TMPRSS15: variants seen among roughly 807,000 people sequenced by gnomAD.
The protein encoded by TMPRSS15 is transmembrane serine protease 15.
A neutral mutation model predicts 125.3 loss-of-function variants in TMPRSS15; 128 were observed. The ratio of observed to expected loss-of-function variants is 1.02; its 90% CI spans 0.89 to 1.18. The LOEUF (loss-of-function observed/expected upper bound fraction) is 1.18, where lower values mean the gene tolerates loss of function less well. TMPRSS15 is among the 50% of genes most tolerant of loss of function. The pLI, the probability that TMPRSS15 is intolerant of heterozygous loss-of-function variation, is 0.00. For synonymous variants in TMPRSS15, 446 were observed against 423.2 expected (o/e 1.05, Z -0.66); for missense variants, 1,283 against 1,212.7 (o/e 1.06, Z -0.86).
chr21:18,395,503 C>T (rs1015081439), intron 3 of TMPRSS15, among the ~76,000 whole-genome samples: 2 of 152,172 alleles, frequency 1.3e-5, no homozygotes, highest in African/African-American at 4.8e-5. Flanking sequence ...AATTGACAAG[C>T]TTGTGGTGAT....
upstream of TMPRSS15, among the ~76,000 whole-genome samples, chr21:18,406,049 T>C (rs919940230): frequency 2.6e-5 from 4 of 152,168 alleles, no homozygotes; most frequent in Admixed American, 1.3e-4. Flanking sequence ...GCAAAAATTT[T>C]GGTATGAGGT....
rs767258888 is a variant in TMPRSS15, at chr21:18,281,097, G to A, written c.2611C>T (p.Arg871Ter). ...EIVINPHYNR[R>*]RKDNDIAMMH... ...ATGGCAATGTCGTTGTCCTTTCTTCGCCTATTGTAATGAGGGTTTATGACA... is the reference window on the plus strand; with the variant it reads ...ATGGCAATGTCGTTGTCCTTTCTTCACCTATTGTAATGAGGGTTTATGACA... The change falls in exon 22 of 25, where the codon CGA (arginine) becomes TGA (stop). Residue 871 changes from arginine to a stop codon, truncating the protein, a stop_gained. Transcript: ENST00000284885. LOFTEE classifies it high-confidence loss of function. The A allele has an allele frequency of 2.1e-5, 34 of 1,613,248 alleles. No individual in the cohort carries two copies. Among genetic ancestry groups the A allele is most frequent in the Non-Finnish European group, 2.6e-5 (31 of 1,179,892 alleles).
At chr21:18,314,961 C>T (rs541487674) in intron 17 of TMPRSS15, among the ~76,000 whole-genome samples, 185 bp downstream of exon 17, 32 of 151,954 alleles carry the variant, frequency 2.1e-4, no homozygotes, top group Non-Finnish European at 4.4e-4. Context: ...CTGAGGCCTG[C>T]GTATTAACTT....
At chr21:18,280,991 G>A in intron 22 of TMPRSS15, 49 bp downstream of exon 22, 1 of 1,566,872 alleles carries the variant, frequency 6.4e-7, no homozygotes, top group South Asian at 1.1e-5. Context: ...ATCTAGTTTT[G>A]AATTAATTTT....
chr21:18,295,572 G>A (rs1330121140), intron 19 of TMPRSS15, among the ~76,000 whole-genome samples: 4 of 152,156 alleles, frequency 2.6e-5, no homozygotes, highest in East Asian at 1.9e-4. Flanking sequence ...AGATCCACAC[G>A]TCTAATCAAA....
rs1461910412 is a variant in TMPRSS15, at chr21:18,398,279, A to G, written c.196T>C (p.Ser66Pro). The G allele has an allele frequency of 2.5e-6, 4 of 1,613,874 alleles. No homozygotes were observed. The highest frequency in any genetic ancestry group is 2.5e-6 in the Non-Finnish European group (3 of 1,179,800). The change falls in exon 2 of 25, where the codon TCC (serine) becomes CCC (proline). Residue 66 changes from serine to proline, a missense_variant. Transcript: ENST00000284885. ...HEARATFKIT[S>P]GVTYNPNLQD... ...AAATTAGGATTATATGTAACTCCGG[A>G]TGTTATTTTAAATGTCGCTCTGGCT... is the stretch of plus-strand genomic sequence containing the variant.
At chr21:18,299,669 C>T (rs942890369) in intron 18 of TMPRSS15, among the ~76,000 whole-genome samples, 8 of 152,142 alleles carry the variant, frequency 5.3e-5, no homozygotes, top group Admixed American at 6.5e-5. Flanking sequence ...CAGCTGAATG[C>T]CTGCCCTGTG....
intron 7 of TMPRSS15, among the ~76,000 whole-genome samples, chr21:18,361,305 C>T (rs984447390): frequency 6.6e-6 from 1 of 152,096 alleles, no homozygotes; most frequent in African/African-American, 2.4e-5. Flanking sequence ...TTTCTCTGAA[C>T]TCCTTGGAAG....
chr21:18,365,581 TTTTTC>T lies in TMPRSS15; in HGVS notation c.665-338_665-334del, dbSNP rs1569035409. On this transcript the variant is annotated intron_variant, in intron 6 of 24. Coordinates refer to ENST00000284885, the MANE Select transcript of TMPRSS15 (RefSeq NM_002772.3). ...CTCTTTCTTTCTCTCTCTTTCTCTC[TTTTTC>T]CTTCCTTCCTTCCTTCTTTCCTTCC... Among the ~76,000 whole-genome samples the T allele has an allele frequency of 1.6e-4, 21 of 134,458 alleles. 1 individual carries two copies. Among genetic ancestry groups the T allele is most frequent in the African/African-American group, 3.3e-4 (12 of 36,324 alleles). The allele number at this position is 134,458 out of a possible 152,430, so 88.2% of individuals were successfully genotyped here.
intron 1 of TMPRSS15, among the ~76,000 whole-genome samples, chr21:18,401,607 G>T (rs1480599386): frequency 6.6e-6 from 1 of 152,126 alleles, no homozygotes; most frequent in Non-Finnish European, 1.5e-5. Flanking sequence ...AGGGGCAAGG[G>T]TTGACAAACT....
At chr21:18,351,067 T>C (rs562319994) in intron 10 of TMPRSS15, among the ~76,000 whole-genome samples, 1 of 152,242 alleles carries the variant, frequency 6.6e-6, no homozygotes, top group South Asian at 2.1e-4. Context: ...ATTAGTCAGA[T>C]ATATTTCTAT....
intron 1 of TMPRSS15, among the ~76,000 whole-genome samples, chr21:18,413,361 T>A (rs866870679): frequency 2.6e-5 from 2 of 77,210 alleles, no homozygotes; most frequent in Non-Finnish European, 6.0e-5. Flanking sequence ...CCTTCCTTCC[T>A]TTCCTTCCTT....
chr21:18,408,880 G>T (rs925178020), intron 1 of TMPRSS15, among the ~76,000 whole-genome samples: 1 of 151,946 alleles, frequency 6.6e-6, no homozygotes, highest in Admixed American at 6.6e-5. Context: ...CTATTCTCTG[G>T]TACTGAATAT....
At chr21:18,423,584 ATTTT>A (rs1050685511) in intron 1 of TMPRSS15, among the ~76,000 whole-genome samples, 1 of 133,370 alleles carries the variant, frequency 7.5e-6, no homozygotes, top group Non-Finnish European at 1.6e-5. Flanking sequence ...AATTTTTTGT[ATTTT>A]TTTTTTTTTT....
intron 3 of TMPRSS15, among the ~76,000 whole-genome samples, chr21:18,387,287 A>T (rs1356529610): frequency 6.6e-6 from 1 of 152,166 alleles, no homozygotes; most frequent in African/African-American, 2.4e-5. Context: ...TTTTTCTCTA[A>T]GGCAGAGAAA....
intron 1 of TMPRSS15, among the ~76,000 whole-genome samples, chr21:18,453,111 C>A (rs1054794513): frequency 6.6e-6 from 1 of 152,202 alleles, no homozygotes; most frequent in Non-Finnish European, 1.5e-5. Context: ...AACAACCCCA[C>A]ATTTTTAATT....
intron 1 of TMPRSS15, among the ~76,000 whole-genome samples, chr21:18,440,543 A>C (rs1256008276): frequency 6.6e-6 from 1 of 152,014 alleles, no homozygotes; most frequent in Middle Eastern, 3.2e-3. Flanking sequence ...ATATGTGATG[A>C]TCAGGATGAA....
chr21:18,485,589 A>G (rs1419955411), intron 1 of TMPRSS15, among the ~76,000 whole-genome samples: 2 of 152,034 alleles, frequency 1.3e-5, no homozygotes, highest in African/African-American at 2.4e-5. Flanking sequence ...GCATCTGTCA[A>G]AATAATTACA....
At chr21:18,288,526 T>TC (rs2074792622) in intron 21 of TMPRSS15, among the ~76,000 whole-genome samples, 1 of 132,146 alleles carries the variant, frequency 7.6e-6, no homozygotes, top group Non-Finnish European at 1.5e-5. Context: ...AAAATGCTCT[T>TC]CCTTTTTTTT....
Sources: gnomAD v4.1 joint callset for allele counts (sites outside exome capture counted in the v4.1 genomes callset) on GRCh38, gnomAD v4.1.1 for gene constraint, MANE v1.5 for transcripts, NCBI Gene and HGNC (gene_info 2026-07-23, HGNC 2026-07-21) for gene names.